SMARCB1: variants seen among roughly 807,000 people sequenced by gnomAD.
The protein encoded by SMARCB1 is SWI/SNF-related matrix-associated actin-dependent regulator of chromatin subfamily B member 1.
Under a neutral mutation model 49.0 loss-of-function variants are expected in SMARCB1, and 5 were observed. The observed-to-expected ratio is 0.10, with a 90% CI of 0.05 to 0.21. The LOEUF (loss-of-function observed/expected upper bound fraction) is 0.21, where lower values mean the gene tolerates loss of function less well. Ranked by LOEUF, SMARCB1 falls within the 10% of genes least tolerant of loss-of-function variation. The probability of loss-of-function intolerance (pLI) is 1.00; values close to 1 mark genes in which losing one functional copy is unlikely to be tolerated. For synonymous variants in SMARCB1, 201 were observed against 200.1 expected, an observed-to-expected ratio of 1.00 and a Z score of -0.04; for missense variants, 226 against 509.2, an observed-to-expected ratio of 0.44 and a Z score of 5.35.
At chr22:23,812,766 A>G (rs529047962) in intron 5 of SMARCB1, among the ~76,000 whole-genome samples, 8 of 152,324 alleles carry the variant, frequency 5.3e-5, no homozygotes, top group African/African-American at 1.9e-4. Flanking sequence ...CATTTTGTAG[A>G]ACTCAACACC....
chr22:23,803,856 G>T, intron 5 of SMARCB1: 1 of 287,222 alleles, frequency 3.5e-6, no homozygotes, highest in South Asian at 3.6e-5. Context: ...TCCTCACTCT[G>T]TAAGTCCTGG....
Position 23,791,877 on chromosome 22 carries a change from C to A in SMARCB1, c.215C>A (p.Thr72Lys), listed in dbSNP as rs1568936152. The change falls in exon 2 of 9, where the codon ACA becomes AAA. Residue 72 changes from threonine to lysine, a missense_variant. Transcript: ENST00000644036. ...GTTGCATCGTCACATGGTAAAAAAA[C>A]AAAACCTAACACTAAGGGTGCGTCT... is the stretch of plus-strand genomic sequence containing the variant. ...KIVASSHGKK[T>K]KPNTKDHGYT... is the part of the protein sequence containing the mutation. The A allele has an allele frequency of 2.5e-6, 4 of 1,614,148 alleles. No individual in the cohort carries two copies. Among genetic ancestry groups the A allele is most frequent in the Non-Finnish European group, 2.5e-6 (3 of 1,179,950 alleles).
At chr22:23,794,065 C>T (rs9306389) in intron 3 of SMARCB1, among the ~76,000 whole-genome samples, 14,728 of 152,276 alleles carry the variant, frequency 0.097, 792 homozygotes, top group South Asian at 0.16. Flanking sequence ...CTGCCTCAGC[C>T]TCCCAGATAG....
chr22:23,819,014 G>A (rs1481475921), intron 6 of SMARCB1, among the ~76,000 whole-genome samples: 2 of 151,880 alleles, frequency 1.3e-5, no homozygotes, highest in Non-Finnish European at 2.9e-5. Flanking sequence ...ACACCCGACT[G>A]ATTTTTTGTA....
At position 23,836,549 on chromosome 22, in the gene SMARCB1, TCTGCCTGGCAACCTGTGAGCTCAAAG is replaced by T; in HGVS notation, c.*2372_*2397del. On this transcript the variant is annotated 3_prime_UTR_variant, in exon 9 of 9. Transcript: ENST00000644036. ...GCCTGTCACCTGTGAGCTCAAAAGCTCTGCCTGGCAACCTGTGAGCTCAAAGCTCTGCCAGGCAACCATGGGCAGTT... is the reference window on the plus strand; with the variant it reads ...GCCTGTCACCTGTGAGCTCAAAAGCTCTCTGCCAGGCAACCATGGGCAGTT... 2 of 1,072,642 alleles carry T rather than the reference TCTGCCTGGCAACCTGTGAGCTCAAAG, an allele frequency of 1.9e-6. No individual in the cohort carries two copies. Among genetic ancestry groups the T allele is most frequent in the Admixed American group, 5.4e-5 (1 of 18,498 alleles). 66.4% of individuals were successfully genotyped at this position (1,072,642 alleles called of 1,614,324 possible).
At chr22:23,791,730 A>G (rs1247775741) in intron 1 of SMARCB1, 26 bp from the exon 2 acceptor site, 2 of 1,612,128 alleles carry the variant, frequency 1.2e-6, no homozygotes, top group East Asian at 2.2e-5. Flanking sequence ...CGACCCTTAT[A>G]ATGAGCCTTC....
intron 3 of SMARCB1, among the ~76,000 whole-genome samples, chr22:23,795,427 G>A (rs1568938304): frequency 6.6e-6 from 1 of 152,014 alleles, no homozygotes; most frequent in African/African-American, 2.4e-5. Flanking sequence ...AGGCCGAGGC[G>A]GGCGGATCAC....
At chr22:23,809,077 C>T (rs1051283160) in intron 5 of SMARCB1, among the ~76,000 whole-genome samples, 4 of 151,518 alleles carry the variant, frequency 2.6e-5, no homozygotes, top group Non-Finnish European at 5.9e-5. Context: ...TCATGATCTG[C>T]CCGCCTTGGC....
At chr22:23,792,252 G>A (rs1338722392) in intron 2 of SMARCB1, 2 of 359,986 alleles carry the variant, frequency 5.6e-6, no homozygotes, top group Non-Finnish European at 1.1e-5. Flanking sequence ...CCCAAGTGGC[G>A]GGTGGTGGTC....
intron 4 of SMARCB1, chr22:23,803,044 G>A: frequency 1.7e-6 from 1 of 582,222 alleles, no homozygotes; most frequent in East Asian, 2.9e-5. Context: ...TCTGGGTGTT[G>A]TTCCAACACT....
chr22:23,811,858 A>G (rs1364318790), intron 5 of SMARCB1, among the ~76,000 whole-genome samples: 1 of 152,260 alleles, frequency 6.6e-6, no homozygotes, highest in Non-Finnish European at 1.5e-5. Context: ...CATTGAAAAC[A>G]GAAATCAAAC....
intron 5 of SMARCB1, among the ~76,000 whole-genome samples, chr22:23,810,384 C>G (rs562468967): frequency 2.6e-5 from 4 of 151,218 alleles, no homozygotes; most frequent in African/African-American, 9.7e-5. Context: ...AACAATTAGC[C>G]AGGCATGGTG....
rs1489567425 is a variant in SMARCB1, at chr22:23,836,915, A to G, written c.*2735A>G. On this transcript the variant is annotated 3_prime_UTR_variant, in exon 9 of 9. Coordinates refer to ENST00000644036, the MANE Select transcript of SMARCB1 (RefSeq NM_003073.5). ...ATGGGGTCCTGGCTGTTCCTCAGGG[A>G]GGGGCAGGTAATTGGGGTCTTCTGC... 7.9e-6 allele frequency: 12 copies of G among 1,526,990 alleles called. No homozygotes were observed. The highest frequency in any genetic ancestry group is 1.7e-4 in the Middle Eastern group (1 of 5,756). The allele number at this position is 1,526,990 out of a possible 1,614,324, so 94.6% of individuals were successfully genotyped here.
At position 23,807,624 on chromosome 22, in the gene SMARCB1, G is replaced by A. The variant is rs187328648; in HGVS notation, c.628+4202G>A. Among the ~76,000 whole-genome samples the A allele has an allele frequency of 1.2e-3, 175 of 151,510 alleles. 1 individual carries two copies. Among genetic ancestry groups the A allele is most frequent in the African/African-American group, 3.9e-3 (162 of 41,330 alleles). On this transcript the variant is annotated intron_variant, in intron 5 of 8. Coordinates refer to ENST00000644036, the MANE Select transcript of SMARCB1 (RefSeq NM_003073.5). ...AAAAAAAATCAAATGATAGATTCAG[G>A]AAGCCAAGTGAAGCCCAACATGATT...
At chr22:23,803,459 A>T (rs1425097837) in intron 5 of SMARCB1, 37 bp downstream of exon 5, 2 of 1,612,056 alleles carry the variant, frequency 1.2e-6, no homozygotes, top group Non-Finnish European at 8.5e-7. Context: ...CCTGGCCCCA[A>T]CCCCTGTGTG....
At chr22:23,826,999 G>C (rs2030416629) in intron 7 of SMARCB1, among the ~76,000 whole-genome samples, 1 of 152,198 alleles carries the variant, frequency 6.6e-6, no homozygotes, top group Non-Finnish European at 1.5e-5. Context: ...TGGGAGTGCA[G>C]CTGTAGCGTG....
intron 4 of SMARCB1, chr22:23,803,057 C>T: frequency 1.7e-6 from 1 of 604,098 alleles, no homozygotes. Flanking sequence ...CCAACACTGC[C>T]CAGGTCGATT....
intron 3 of SMARCB1, among the ~76,000 whole-genome samples, chr22:23,798,465 T>C (rs906292405): frequency 6.6e-6 from 1 of 152,114 alleles, no homozygotes; most frequent in Non-Finnish European, 1.5e-5. Context: ...ATGACCCAGA[T>C]AGGTTGTAGA....
intron 2 of SMARCB1, 134 bp from the exon 3 acceptor site, chr22:23,793,425 C>A: frequency 1.1e-6 from 1 of 894,404 alleles, no homozygotes; most frequent in Non-Finnish European, 1.9e-6. Context: ...GGCCAGCATT[C>A]AGCAGTAGTA....
Sources: allele counts gnomAD v4.1 joint callset (sites outside exome capture counted in the v4.1 genomes callset), GRCh38; gene constraint gnomAD v4.1.1; transcripts MANE v1.5; gene names NCBI Gene and HGNC (gene_info 2026-07-23, HGNC 2026-07-21).